The following NT5E variants were observed in gnomAD, a reference collection of about 807,000 sequenced individuals.
NT5E encodes 5'-nucleotidase.
Under a neutral mutation model 55.1 loss-of-function variants are expected in NT5E, and 53 were observed. The observed-to-expected ratio is 0.96, with a 90% CI of 0.77 to 1.21. The LOEUF is 1.21. Ranked by LOEUF, NT5E falls within the 50% of genes most tolerant of loss-of-function variation. The pLI is 0.00. For missense variants in NT5E, 683 were observed against 724.3 expected (o/e 0.94, Z 0.65); for synonymous variants, 270 against 278.4 (o/e 0.97, Z 0.30).
intron 3 of NT5E, among the ~76,000 whole-genome samples, chr6:85,480,060 T>C (rs760090565): frequency 6.6e-6 from 1 of 152,160 alleles, no homozygotes; most frequent in South Asian, 2.1e-4. Flanking sequence ...GGCCTGGTCT[T>C]GCTAGGTGGT....
intron 1 of NT5E, among the ~76,000 whole-genome samples, chr6:85,457,552 T>G (rs1186454895): frequency 6.6e-6 from 1 of 152,154 alleles, no homozygotes; most frequent in Admixed American, 6.5e-5. Flanking sequence ...GCTATTTCCT[T>G]GTGGAGAGAT....
intron 8 of NT5E, among the ~76,000 whole-genome samples, chr6:85,492,990 C>A (rs937634505): frequency 6.6e-6 from 1 of 152,110 alleles, no homozygotes; most frequent in African/African-American, 2.4e-5. Context: ...CCTTCCGTGA[C>A]AGAAGATGGA....
intron 3 of NT5E, among the ~76,000 whole-genome samples, chr6:85,482,900 G>A (rs1291620305): frequency 6.6e-6 from 1 of 152,220 alleles, no homozygotes. Context: ...TGTGGAGGAG[G>A]CAGAGATTAG....
intron 5 of NT5E, 57 bp from the exon 6 acceptor site, chr6:85,489,437 C>A: frequency 8.1e-7 from 1 of 1,236,728 alleles, no homozygotes; most frequent in Non-Finnish European, 1.2e-6. Flanking sequence ...ATTCCTGGAG[C>A]TGATCCTAAG....
intron 1 of NT5E, among the ~76,000 whole-genome samples, chr6:85,463,142 G>A (rs546961908): frequency 1.5e-4 from 23 of 152,202 alleles, no homozygotes; most frequent in African/African-American, 5.3e-4. Context: ...GGAGCTGGGG[G>A]TGGACCAGAT....
chr6:85,489,579 C>T lies in NT5E; in HGVS notation c.1190C>T (p.Pro397Leu). The T allele has an allele frequency of 6.2e-7, 1 of 1,613,528 alleles. No individual in the cohort carries two copies. Among genetic ancestry groups the T allele is most frequent in the South Asian group, 1.1e-5 (1 of 91,006 alleles). ...TTAAATGGAGGTGGTATCCGGTCGCCCATTGATGAACGCAACAATGGTATG... is the reference window on the plus strand; with the variant it reads ...TTAAATGGAGGTGGTATCCGGTCGCTCATTGATGAACGCAACAATGGTATG... ...CILNGGGIRS[P>L]IDERNNGTIT... The change falls in exon 6 of 9, where the codon CCC becomes CTC. Residue 397 changes from proline to leucine, a missense_variant. Coordinates refer to ENST00000257770, the MANE Select transcript of NT5E (RefSeq NM_002526.4).
chr6:85,465,273 G>A (rs1031672941), intron 1 of NT5E, among the ~76,000 whole-genome samples: 19 of 152,166 alleles, frequency 1.2e-4, no homozygotes, highest in Admixed American at 1.2e-3. Flanking sequence ...ATTGCCAAGT[G>A]CTAGGAATAT....
chr6:85,458,596 A>G (rs1306996905), intron 1 of NT5E, among the ~76,000 whole-genome samples: 1 of 152,220 alleles, frequency 6.6e-6, no homozygotes, highest in Non-Finnish European at 1.5e-5. Flanking sequence ...TGTACTCTCC[A>G]GTGTTTATTT....
rs182171939 is a variant in NT5E, at chr6:85,453,095, C to G, written c.339+2617C>G. Among the ~76,000 whole-genome samples, 224 of 152,222 alleles carry G rather than the reference C, an allele frequency of 1.5e-3. 1 individual carries two copies. The highest frequency in any genetic ancestry group is 5.2e-3 in the African/African-American group (217 of 41,534). ...AGAGGACCCAGGGCAATCCTGGAGA[C>G]CCCCTGGAACCACTACTAGGCAGAA... On this transcript the variant is annotated intron_variant, in intron 1 of 8. Coordinates refer to ENST00000257770, the MANE Select transcript of NT5E (RefSeq NM_002526.4).
intron 3 of NT5E, among the ~76,000 whole-genome samples, chr6:85,480,936 C>T (rs1769537187): frequency 6.6e-6 from 1 of 152,116 alleles, no homozygotes; most frequent in African/African-American, 2.4e-5. Flanking sequence ...TCTCCTGTAT[C>T]CCAACTCCCA....
At chr6:85,464,024 TG>T (rs146829040) in intron 1 of NT5E, among the ~76,000 whole-genome samples, 6,439 of 151,730 alleles carry the variant, frequency 0.042, 187 homozygotes, top group Non-Finnish European at 0.059. Context: ...CTACTTGCAC[TG>T]TGGTAGTGCA....
chr6:85,462,368 G>A (rs753951328), intron 1 of NT5E, among the ~76,000 whole-genome samples: 36 of 152,100 alleles, frequency 2.4e-4, no homozygotes, highest in Non-Finnish European at 4.1e-4. Context: ...ATCTCCCAGC[G>A]ATGCTCTTAG....
Position 85,487,464 on chromosome 6 carries a change from T to G in NT5E, c.1079T>G (p.Met360Arg). 1 of 1,614,196 alleles carries G rather than the reference T, an allele frequency of 6.2e-7. No homozygotes were observed. The highest frequency in any genetic ancestry group is 1.7e-5 in the Admixed American group (1 of 60,026). Residue 360 changes from methionine to arginine, a missense_variant, in exon 5 of 9, where the codon ATG (methionine) becomes AGG (arginine). Coordinates refer to ENST00000257770, the MANE Select transcript of NT5E (RefSeq NM_002526.4). ...SQSCRFRECN[M>R]GNLICDAMIN... ...TCATGCCGCTTTAGAGAATGCAACA[T>G]GGGCAACCTGATTTGTGATGCAATG...
Position 85,490,364 on chromosome 6 carries a change from G to T in NT5E, c.1211-144G>T, listed in dbSNP as rs988301439. The T allele has an allele frequency of 1.4e-5, 13 of 953,230 alleles. No homozygotes were observed. The East Asian group carries it at 3.2e-4, about 24-fold the overall frequency. 59.0% of individuals were successfully genotyped at this position (953,230 alleles called of 1,614,324 possible). A position where few individuals can be genotyped will look rare whatever the true frequency, so the allele number is the denominator to read the frequency against. On this transcript the variant is annotated intron_variant, in intron 6 of 8. Transcript: ENST00000257770. ...AAACTCATTCCCTTCCTCAGTGTCAGGAACCACTTAGACATAGCTAATGAT... is the reference window on the plus strand; with the variant it reads ...AAACTCATTCCCTTCCTCAGTGTCATGAACCACTTAGACATAGCTAATGAT...
intron 3 of NT5E, among the ~76,000 whole-genome samples, chr6:85,484,143 C>T (rs1769603264): frequency 6.6e-6 from 1 of 152,202 alleles, no homozygotes; most frequent in African/African-American, 2.4e-5. Flanking sequence ...TCAACATGTG[C>T]TGAAGTTCTC....
intron 2 of NT5E, among the ~76,000 whole-genome samples, chr6:85,469,227 T>G (rs1250326018): frequency 4.6e-5 from 7 of 152,232 alleles, no homozygotes; most frequent in Admixed American, 4.6e-4. Flanking sequence ...TGCCTGGTCC[T>G]GTGAGGTTTC....
chr6:85,493,883 T>C lies in NT5E; in HGVS notation c.1604T>C (p.Met535Thr). The change falls in exon 9 of 9, where the codon ATG (methionine) becomes ACG (threonine). Residue 535 changes from methionine (M) to threonine (T), a missense_variant. Met to Thr is a moderately conservative substitution (Grantham distance 81). Coordinates refer to ENST00000257770, the MANE Select transcript of NT5E (RefSeq NM_002526.4). Reference sequence around the variant, plus strand: ...GTGGTTTCTACATATATCTCCAAAATGAAAGTAATTTATCCAGCAGTTGAA... The same window carrying C: ...GTGGTTTCTACATATATCTCCAAAACGAAAGTAATTTATCCAGCAGTTGAA... ...INVVSTYISK[M>T]KVIYPAVEGR... The C allele has an allele frequency of 6.2e-7, 1 of 1,614,048 alleles. No homozygotes were observed. Among genetic ancestry groups the C allele is most frequent in the Non-Finnish European group, 8.5e-7 (1 of 1,179,948 alleles).
intron 8 of NT5E, among the ~76,000 whole-genome samples, chr6:85,492,694 T>C (rs1473404907): frequency 6.6e-6 from 1 of 152,150 alleles, no homozygotes; most frequent in Non-Finnish European, 1.5e-5. Flanking sequence ...TGAGGGACAT[T>C]ATATGCCAGC....
intron 3 of NT5E, among the ~76,000 whole-genome samples, chr6:85,480,964 T>A (rs1428680144): frequency 6.6e-6 from 1 of 152,132 alleles, no homozygotes; most frequent in African/African-American, 2.4e-5. Flanking sequence ...TTCCTCTTCA[T>A]TAGCTCCCAC....
Sources: allele counts gnomAD v4.1 joint callset (sites outside exome capture counted in the v4.1 genomes callset), GRCh38; gene constraint gnomAD v4.1.1; transcripts MANE v1.5; gene names NCBI Gene and HGNC (gene_info 2026-07-23, HGNC 2026-07-21).